The following AFG2A variants were observed in gnomAD, a reference collection of about 807,000 sequenced individuals.
The protein encoded by AFG2A is AAA ATPase AFG2A.
the AFG2A span, among the ~76,000 whole-genome samples, chr4:123,310,664 C>T: frequency 6.6e-6 from 1 of 152,208 alleles, no homozygotes; most frequent in African/African-American, 2.4e-5. Context: ...CCTGGATCTT[C>T]CACCTGGCTT....
the AFG2A span, chr4:123,056,292 TTTTCTC>T: frequency 8.4e-7 from 1 of 1,193,940 alleles, no homozygotes; most frequent in African/African-American, 1.6e-5. Flanking sequence ...ATTTTGTTTA[TTTTCTC>T]TTTTGTGTAT....
the AFG2A span, among the ~76,000 whole-genome samples, chr4:123,304,761 C>T: frequency 2.0e-5 from 3 of 152,114 alleles, no homozygotes; most frequent in South Asian, 2.1e-4. Context: ...TGCAGAACAG[C>T]GGGGGCAGCA....
At chr4:123,249,561 T>C in the AFG2A span, among the ~76,000 whole-genome samples, 1 of 152,252 alleles carries the variant, frequency 6.6e-6, no homozygotes, top group Non-Finnish European at 1.5e-5. Flanking sequence ...AAGGAAAGAA[T>C]AAGACTGCAG....
At chr4:123,169,740 C>T in the AFG2A span, among the ~76,000 whole-genome samples, 1 of 152,210 alleles carries the variant, frequency 6.6e-6, no homozygotes, top group African/African-American at 2.4e-5. Flanking sequence ...CTCTGCCTCC[C>T]AAAGTGCTGG....
At chr4:123,135,249 A>G in the AFG2A span, among the ~76,000 whole-genome samples, 1 of 152,188 alleles carries the variant, frequency 6.6e-6, no homozygotes, top group Non-Finnish European at 1.5e-5. Flanking sequence ...GTACAGAAGG[A>G]ATGTTCCTCC....
chr4:123,163,744 C>T, the AFG2A span, among the ~76,000 whole-genome samples: 1 of 152,240 alleles, frequency 6.6e-6, no homozygotes, highest in South Asian at 2.1e-4. Flanking sequence ...CCTAACTGCT[C>T]TCTATTAGGC....
the AFG2A span, among the ~76,000 whole-genome samples, chr4:122,949,269 A>G: frequency 6.6e-6 from 1 of 152,298 alleles, no homozygotes; most frequent in Non-Finnish European, 1.5e-5. Context: ...CTAGCCCATC[A>G]TTGTGTACAG....
At chr4:123,020,199 A>C in the AFG2A span, among the ~76,000 whole-genome samples, 1 of 152,008 alleles carries the variant, frequency 6.6e-6, no homozygotes, top group African/African-American at 2.4e-5. Flanking sequence ...AAACACACAC[A>C]CACACATGCA....
At chr4:123,256,147 C>T in the AFG2A span, 1 of 1,614,106 alleles carries the variant, frequency 6.2e-7, no homozygotes, top group East Asian at 2.2e-5. Context: ...TGGATGAACT[C>T]ATCCTTCAAA....
the AFG2A span, among the ~76,000 whole-genome samples, chr4:122,976,897 T>A: frequency 6.6e-6 from 1 of 152,272 alleles, no homozygotes; most frequent in African/African-American, 2.4e-5. Flanking sequence ...TGGCTTTTTT[T>A]ATGGATGTTG....
chr4:123,275,278 G>A, the AFG2A span, among the ~76,000 whole-genome samples: 1 of 152,100 alleles, frequency 6.6e-6, no homozygotes, highest in African/African-American at 2.4e-5. Context: ...GTGGTGAAGA[G>A]GAGTTTGCAA....
the AFG2A span, among the ~76,000 whole-genome samples, chr4:123,245,015 T>C: frequency 6.6e-6 from 1 of 152,172 alleles, no homozygotes; most frequent in Non-Finnish European, 1.5e-5. Context: ...TTTCTTTGTA[T>C]AGAAATGATT....
chr4:123,246,443 C>A, the AFG2A span, among the ~76,000 whole-genome samples: 3 of 152,182 alleles, frequency 2.0e-5, no homozygotes, highest in South Asian at 2.1e-4. Context: ...CATTAAAAAC[C>A]TGCAATTTGC....
the AFG2A span, among the ~76,000 whole-genome samples, chr4:122,925,343 C>T: frequency 1.3e-5 from 2 of 152,184 alleles, no homozygotes; most frequent in African/African-American, 4.8e-5. Context: ...CATTCTGCAG[C>T]CAGAATGATC....
the AFG2A span, among the ~76,000 whole-genome samples, chr4:123,042,232 T>C: frequency 6.6e-6 from 1 of 152,186 alleles, no homozygotes; most frequent in African/African-American, 2.4e-5. Context: ...TCCTGGAGGC[T>C]GGGAAGTCCA....
chr4:123,203,858 G>T, the AFG2A span, among the ~76,000 whole-genome samples: 9 of 152,230 alleles, frequency 5.9e-5, no homozygotes, highest in Non-Finnish European at 1.2e-4. Context: ...TATCACAGTT[G>T]TATAGCTTAA....
chr4:123,219,510 C>T, the AFG2A span, among the ~76,000 whole-genome samples: 10 of 152,302 alleles, frequency 6.6e-5, 1 homozygote, highest in Middle Eastern at 6.8e-3. Flanking sequence ...CCGTCACAAC[C>T]GCCATTCCCC....
chr4:122,926,867 A>C, the AFG2A span, among the ~76,000 whole-genome samples: 1 of 152,170 alleles, frequency 6.6e-6, no homozygotes, highest in Non-Finnish European at 1.5e-5. Context: ...ATACAGAGAG[A>C]AATAGGACCC....
the AFG2A span, chr4:123,316,823 C>T: frequency 2.0e-5 from 3 of 152,218 alleles, no homozygotes; most frequent in African/African-American, 7.2e-5. Flanking sequence ...AACCAACACT[C>T]TCAGCACAAG....
Sources: gnomAD v4.1 joint callset for allele counts (sites outside exome capture counted in the v4.1 genomes callset) on GRCh38, gnomAD v4.1.1 for gene constraint, MANE v1.5 for transcripts, NCBI Gene and HGNC (gene_info 2026-07-23, HGNC 2026-07-21) for gene names.